COL4A2: variants seen among roughly 807,000 people sequenced by gnomAD.
The protein encoded by COL4A2 is collagen alpha-2(IV) chain.
COL4A2 carries 99 observed loss-of-function variants against 200.2 expected under a neutral mutation model. The ratio of observed to expected loss-of-function variants is 0.49; its 90% CI spans 0.42 to 0.58. The LOEUF (loss-of-function observed/expected upper bound fraction) is 0.58, where lower values mean the gene tolerates loss of function less well. Ranked by LOEUF, COL4A2 falls within the 20% of genes least tolerant of loss-of-function variation. COL4A2 has a pLI of 0.00. For synonymous variants in COL4A2, 897 were observed against 900.6 expected (o/e 1.00, Z 0.07); for missense variants, 1,950 against 2,314.1 (o/e 0.84, Z 3.23).
At chr13:110,459,133 G>T in intron 22 of COL4A2, 199 bp downstream of exon 22, 1 of 506,052 alleles carries the variant, frequency 2.0e-6, no homozygotes, top group Non-Finnish European at 3.3e-6. Context: ...CTGAGAAGGG[G>T]CGCTGCTGTG....
At chr13:110,432,184 G>A (rs1880707699) in intron 10 of COL4A2, 141 bp from the exon 11 acceptor site, 2 of 1,109,346 alleles carry the variant, frequency 1.8e-6, no homozygotes, top group African/African-American at 3.3e-5. Flanking sequence ...TCTCTGCCAA[G>A]CCAAATGCAT....
In COL4A2 at chr13:110,441,327, G is replaced by T. The variant is rs547995289; in HGVS notation, c.957+1494G>T. Among the ~76,000 whole-genome samples, 4 of 152,272 alleles carry T rather than the reference G, an allele frequency of 2.6e-5. No homozygotes were observed. The South Asian group carries it at 8.3e-4, about 32-fold the overall frequency. ...ACAGATGGACCTGCCTCCCAGACTC[G>T]CTTTCTGACCTCCACTGGCTCTAGA... On this transcript the variant is annotated intron_variant, in intron 16 of 47. Transcript: ENST00000360467.
chr13:110,509,663 G>T (rs1884021163), intron 47 of COL4A2, among the ~76,000 whole-genome samples: 2 of 152,088 alleles, frequency 1.3e-5, no homozygotes, highest in Admixed American at 1.3e-4. Context: ...ATCCAGAAAG[G>T]TCAGGCATCC....
At chr13:110,391,143 AG>A (rs2139422135) in intron 4 of COL4A2, among the ~76,000 whole-genome samples, 1 of 152,362 alleles carries the variant, frequency 6.6e-6, no homozygotes, top group South Asian at 2.1e-4. Flanking sequence ...TTTTGTTTCT[AG>A]AAGAGTCTTG....
intron 4 of COL4A2, among the ~76,000 whole-genome samples, chr13:110,363,148 C>T (rs1207339429): frequency 1.3e-5 from 2 of 152,210 alleles, no homozygotes; most frequent in Admixed American, 6.5e-5. Flanking sequence ...ACGTCATCAG[C>T]CCCTGAACGA....
At chr13:110,449,855 C>G in intron 19 of COL4A2, 66 bp downstream of exon 19, 1 of 1,473,892 alleles carries the variant, frequency 6.8e-7, no homozygotes, top group Non-Finnish European at 9.1e-7. Context: ...CTAGCACACA[C>G]AAGGGAGACT....
intron 3 of COL4A2, among the ~76,000 whole-genome samples, chr13:110,338,267 G>A (rs143973540): frequency 2.6e-5 from 4 of 152,248 alleles, no homozygotes; most frequent in Non-Finnish European, 5.9e-5. Context: ...GCATATGAAG[G>A]CTCCAATGGT....
chr13:110,437,648 A>G (rs1196089624), intron 13 of COL4A2, among the ~76,000 whole-genome samples: 1 of 152,208 alleles, frequency 6.6e-6, no homozygotes, highest in Non-Finnish European at 1.5e-5. Context: ...TCTTCCGAAG[A>G]GTATTTTCAT....
intron 17 of COL4A2, 33 bp downstream of exon 17, chr13:110,445,915 G>A: frequency 6.2e-7 from 1 of 1,613,314 alleles, no homozygotes. Context: ...TGCCACTTAT[G>A]GTGTCTCGCC....
intron 12 of COL4A2, among the ~76,000 whole-genome samples, chr13:110,434,988 C>A (rs544123774): frequency 2.0e-5 from 3 of 152,336 alleles, no homozygotes; most frequent in South Asian, 4.1e-4. Context: ...ACCCCGCAAG[C>A]AAAACCTCAC....
intron 4 of COL4A2, 70 bp downstream of exon 4, chr13:110,357,622 A>G (rs1308039300): frequency 6.5e-6 from 10 of 1,542,186 alleles, no homozygotes; most frequent in Non-Finnish European, 8.8e-6. Context: ...ACAACGGGGT[A>G]CCTTCTGGGA....
intron 3 of COL4A2, among the ~76,000 whole-genome samples, chr13:110,312,871 G>C (rs1885023151): frequency 6.6e-6 from 1 of 152,250 alleles, no homozygotes; most frequent in Non-Finnish European, 1.5e-5. Flanking sequence ...TTTGGCTCTG[G>C]AGCCTGGAAG....
intron 40 of COL4A2, among the ~76,000 whole-genome samples, chr13:110,500,412 C>T (rs1376752030): frequency 2.6e-5 from 4 of 152,234 alleles, no homozygotes; most frequent in East Asian, 1.9e-4. Flanking sequence ...AGACTTAATC[C>T]GCCCACTCAA....
chr13:110,405,547 TC>T (rs1879533924), intron 4 of COL4A2, among the ~76,000 whole-genome samples: 1 of 151,410 alleles, frequency 6.6e-6, no homozygotes, highest in Non-Finnish European at 1.5e-5. Flanking sequence ...TGAGGGGACC[TC>T]CACGTTAGAC....
intron 3 of COL4A2, among the ~76,000 whole-genome samples, chr13:110,320,698 G>T (rs990779704): frequency 6.6e-6 from 1 of 152,170 alleles, no homozygotes; most frequent in Non-Finnish European, 1.5e-5. Context: ...AAGAAAATAA[G>T]TGTATTTAAA....
At chr13:110,407,751 A>G (rs1254510535) in intron 4 of COL4A2, among the ~76,000 whole-genome samples, 2 of 152,198 alleles carry the variant, frequency 1.3e-5, no homozygotes, top group South Asian at 2.1e-4. Flanking sequence ...TGCTTGGCGG[A>G]AAGCCCAGTG....
intron 4 of COL4A2, among the ~76,000 whole-genome samples, chr13:110,362,432 G>A (rs1877558381): frequency 6.6e-6 from 1 of 152,040 alleles, no homozygotes. Context: ...TCCTGCCTTA[G>A]GCCCTCAAGT....
chr13:110,415,731 GA>G (rs1880016270), intron 4 of COL4A2, among the ~76,000 whole-genome samples: 1 of 152,388 alleles, frequency 6.6e-6, no homozygotes, highest in African/African-American at 2.4e-5. Context: ...CACCCTGGAA[GA>G]CAGGCGGCCT....
intron 4 of COL4A2, among the ~76,000 whole-genome samples, chr13:110,363,950 C>T (rs1161291769): frequency 5.9e-5 from 9 of 152,200 alleles, no homozygotes; most frequent in African/African-American, 2.2e-4. Flanking sequence ...AGCCGCCCGC[C>T]TCGGCCTCCC....
Sources: allele counts gnomAD v4.1 joint callset (sites outside exome capture counted in the v4.1 genomes callset), GRCh38; gene constraint gnomAD v4.1.1; transcripts MANE v1.5; gene names NCBI Gene and HGNC (gene_info 2026-07-23, HGNC 2026-07-21).